The following NCAPD3 variants were observed in gnomAD, a reference collection of about 807,000 sequenced individuals.
The protein encoded by NCAPD3 is non-SMC condensin II complex subunit D3.
In NCAPD3, 105 loss-of-function variants were observed where a neutral mutation model predicts 182.9. The observed-to-expected ratio is 0.57, with a 90% CI of 0.49 to 0.68. The LOEUF (loss-of-function observed/expected upper bound fraction) is 0.68. NCAPD3 is among the 30% of genes least tolerant of loss of function. The pLI is 0.00. For synonymous variants in NCAPD3, 815 were observed against 679.9 expected (o/e 1.20, Z -3.09); for missense variants, 1,944 against 1,837.0 (o/e 1.06, Z -1.07).
chr11:134,192,475 A>T (rs750959482), intron 16 of NCAPD3, among the ~76,000 whole-genome samples: 11 of 152,234 alleles, frequency 7.2e-5, no homozygotes, highest in Non-Finnish European at 1.6e-4. Flanking sequence ...AGACAGATGC[A>T]AAGGAAGTGA....
At chr11:134,176,953 C>G (rs1390421286) in intron 23 of NCAPD3, among the ~76,000 whole-genome samples, 1 of 152,216 alleles carries the variant, frequency 6.6e-6, no homozygotes, top group East Asian at 1.9e-4. Flanking sequence ...ACTGAATATG[C>G]TTTTCTCTAC....
chr11:134,216,183 A>C (rs928481954), intron 3 of NCAPD3, among the ~76,000 whole-genome samples: 4 of 152,214 alleles, frequency 2.6e-5, no homozygotes, highest in East Asian at 1.9e-4. Flanking sequence ...ATTAACAACA[A>C]CACAAATCAA....
At chr11:134,166,735 GAT>G (rs1370692701) in intron 27 of NCAPD3, among the ~76,000 whole-genome samples, 1 of 126,612 alleles carries the variant, frequency 7.9e-6, no homozygotes, top group Non-Finnish European at 1.7e-5. Flanking sequence ...TCACTTGTGA[GAT>G]GAGCTTGGGG....
intron 8 of NCAPD3, among the ~76,000 whole-genome samples, chr11:134,205,259 A>T (rs1469941579): frequency 6.6e-6 from 1 of 152,258 alleles, no homozygotes; most frequent in Non-Finnish European, 1.5e-5. Flanking sequence ...TCATATGAAG[A>T]TGTAAAATAT....
chr11:134,160,210 T>G (rs1219710300), intron 28 of NCAPD3, 136 bp from the exon 29 acceptor site: 2 of 858,334 alleles, frequency 2.3e-6, no homozygotes, highest in Non-Finnish European at 3.5e-6. Context: ...AAATAAAAGT[T>G]AAGAAAGAAA....
chr11:134,188,641 G>A (rs970311082), intron 16 of NCAPD3, among the ~76,000 whole-genome samples: 2 of 152,106 alleles, frequency 1.3e-5, no homozygotes, highest in Non-Finnish European at 2.9e-5. Flanking sequence ...TCACTACGAA[G>A]GTCTGCGGCC....
At chr11:134,208,790 T>C (rs1937713148) in intron 7 of NCAPD3, 74 bp downstream of exon 7, 1 of 973,442 alleles carries the variant, frequency 1.0e-6, no homozygotes, top group Non-Finnish European at 1.6e-6. Flanking sequence ...CAAATGCTTT[T>C]AACATATTTC....
At position 134,204,823 on chromosome 11, in the gene NCAPD3, TCA is replaced by T. The variant is rs146098679; in HGVS notation, c.1089+74_1089+75del. ...CATTCCCAAGAACAAATACCCACACTCACACACACACACACACATTTATCTTC... is the reference window on the plus strand; with the variant it reads ...CATTCCCAAGAACAAATACCCACACTCACACACACACACACATTTATCTTC... On this transcript the variant is annotated intron_variant, in intron 9 of 34. Transcript: ENST00000534548. The surrounding 1 kb of genome is among the most constrained non-coding windows in gnomAD (Gnocchi z 4.3). 0.019 allele frequency: 19,206 copies of T among 1,033,846 alleles called. 40 individuals carry two copies. Among genetic ancestry groups the T allele is most frequent in the East Asian group, 0.026 (921 of 34,976 alleles). The allele number at this position is 1,033,846 out of a possible 1,614,324, so 64.0% of individuals were successfully genotyped here.
chr11:134,203,966 C>T (rs2136011767), intron 10 of NCAPD3, 60 bp from the exon 11 acceptor site: 3 of 1,598,914 alleles, frequency 1.9e-6, no homozygotes, highest in African/African-American at 1.3e-5. Context: ...AAGAACCCTC[C>T]TCATTCAGAC....
intron 7 of NCAPD3, among the ~76,000 whole-genome samples, chr11:134,208,057 T>C (rs1440730144): frequency 1.3e-5 from 2 of 152,216 alleles, no homozygotes; most frequent in African/African-American, 4.8e-5. Flanking sequence ...TCTAACGCTT[T>C]AGCCAGGGTG....
intron 24 of NCAPD3, among the ~76,000 whole-genome samples, 180 bp downstream of exon 24, chr11:134,176,127 G>A (rs1183275139): frequency 6.6e-6 from 1 of 151,944 alleles, no homozygotes; most frequent in Non-Finnish European, 1.5e-5. Flanking sequence ...TTAAACTTGT[G>A]TGCAAAACAA....
intron 11 of NCAPD3, 25 bp downstream of exon 11, chr11:134,203,629 C>G: frequency 6.2e-7 from 1 of 1,602,670 alleles, no homozygotes; most frequent in Non-Finnish European, 8.5e-7. Flanking sequence ...GACCGGTTTA[C>G]TGTCCCAATA....
chr11:134,165,606 G>A (rs1368084620), intron 27 of NCAPD3, among the ~76,000 whole-genome samples: 1 of 149,950 alleles, frequency 6.7e-6, no homozygotes, highest in South Asian at 2.1e-4. Context: ...ATGAGCTTGG[G>A]GGAGGCGCAC....
Position 134,181,416 on chromosome 11 carries a change from T to C in NCAPD3, c.2452-232A>G, listed in dbSNP as rs114714980. ...ATAAAGAACGGTGTATATATCATCT[T>C]TCTTTTTACATTTGCCCTATAAGAG... On this transcript the variant is annotated intron_variant, in intron 19 of 34. Coordinates refer to ENST00000534548, the MANE Select transcript of NCAPD3 (RefSeq NM_015261.3). 4.2e-3 allele frequency among the ~76,000 whole-genome samples: 637 copies of C among 152,356 alleles called. 4 individuals are homozygous for C. Among genetic ancestry groups the C allele is most frequent in the African/African-American group, 0.015 (610 of 41,582 alleles).
At chr11:134,183,283 T>C (rs1944334258) in intron 19 of NCAPD3, 2 of 402,670 alleles carry the variant, frequency 5.0e-6, no homozygotes, top group Non-Finnish European at 5.0e-6. Context: ...TTCCTCCTGA[T>C]CACTCTTTCC....
chr11:134,168,242 T>C, intron 26 of NCAPD3, 47 bp from the exon 27 acceptor site: 1 of 1,569,484 alleles, frequency 6.4e-7, no homozygotes, highest in Non-Finnish European at 8.8e-7. Context: ...AGAAATGCTC[T>C]GGCCCAGAGA....
At chr11:134,203,061 G>A (rs1265003882) in intron 12 of NCAPD3, 81 bp downstream of exon 12, 1 of 1,230,384 alleles carries the variant, frequency 8.1e-7, no homozygotes, top group Non-Finnish European at 1.2e-6. Context: ...GGTAAATAAG[G>A]AGGTAAGAAA....
intron 13 of NCAPD3, among the ~76,000 whole-genome samples, chr11:134,200,334 C>CAT (rs1944723534): frequency 6.6e-6 from 1 of 152,118 alleles, no homozygotes; most frequent in Admixed American, 6.5e-5. Context: ...CTTTAAAAAT[C>CAT]ATATATCTGA....
At chr11:134,190,305 CT>C (rs1423159636) in intron 16 of NCAPD3, among the ~76,000 whole-genome samples, 4 of 152,196 alleles carry the variant, frequency 2.6e-5, no homozygotes. Context: ...ATCCTACATA[CT>C]TTTTTATATT....
Sources: gnomAD v4.1 joint callset for allele counts (sites outside exome capture counted in the v4.1 genomes callset) on GRCh38, gnomAD v4.1.1 for gene constraint, Gnocchi (gnomAD v3.1) non-coding constraint, MANE v1.5 for transcripts, NCBI Gene and HGNC (gene_info 2026-07-23, HGNC 2026-07-21) for gene names.